Variants in TMC4 observed in about 807,000 individuals in gnomAD.
TMC4 encodes transmembrane channel like 4, also known as voltage-gated chloride channel TMC4.
Under a neutral mutation model 82.0 loss-of-function variants are expected in TMC4, and 70 were observed. That is an observed-to-expected ratio of 0.85 (90% CI 0.70 to 1.04). The LOEUF (loss-of-function observed/expected upper bound fraction) is 1.04, where lower values mean the gene tolerates loss of function less well. TMC4 is among the 50% of genes least tolerant of loss of function. The probability of loss-of-function intolerance (pLI) is 0.00; values close to 1 mark genes in which losing one functional copy is unlikely to be tolerated. For missense variants in TMC4, 879 were observed against 899.0 expected (o/e 0.98, Z 0.28); for synonymous variants, 446 against 406.0 (o/e 1.10, Z -1.18).
At chr19:54,160,417 A>G (rs759999902) in intron 14 of TMC4, 43 bp from the exon 15 acceptor site, 37 of 1,599,426 alleles carry the variant, frequency 2.3e-5, no homozygotes, top group Non-Finnish European at 3.1e-5. Flanking sequence ...CTCTTCCCCA[A>G]CCCCTTTCCA....
chr19:54,160,227 A>C lies in TMC4; in HGVS notation c.*79T>G. On this transcript the variant is annotated 3_prime_UTR_variant, in exon 15 of 15. Transcript: ENST00000619895. ...GCTGGAAGGGCGTGGAGTCTTCTCC[A>C]GTTCTCCTAGTTTACAGATGTTGTG... 1 of 1,425,142 alleles carries C rather than the reference A, an allele frequency of 7.0e-7. No individual in the cohort carries two copies. The highest frequency in any genetic ancestry group is 1.6e-5 in the South Asian group (1 of 63,078). The allele number at this position is 1,425,142 out of a possible 1,614,324, so 88.3% of individuals were successfully genotyped here.
At position 54,160,981 on chromosome 19, in the gene TMC4, C is replaced by T. The variant is rs1467471560; in HGVS notation, c.1870G>A (p.Ala624Thr). 3.1e-6 allele frequency: 5 copies of T among 1,614,154 alleles called. No homozygotes were observed. The Admixed American group carries it at 6.7e-5, about 22-fold the overall frequency. ...GPFRGQSSIWAQIPESISSLP... is the reference protein window; with the variant it reads ...GPFRGQSSIWTQIPESISSLP... Reference sequence around the variant, plus strand: ...CTGGAAATAGACTCAGGGATCTGGGCCCAGATGGACGACTGCCCCCGGAAT... The same window carrying T: ...CTGGAAATAGACTCAGGGATCTGGGTCCAGATGGACGACTGCCCCCGGAAT... Residue 624 changes from alanine to threonine, a missense_variant, in exon 13 of 15, where the codon GCC becomes ACC. Transcript: ENST00000619895.
In TMC4 at chr19:54,172,217, A is replaced by G. The variant is rs939675031; in HGVS notation, c.80-134T>C. ...CCAGGCCCCCGGCTCCTCCTCCCTC[A>G]GACCCAGGAGTCCAGGCCCCCGGCT... is the stretch of plus-strand genomic sequence containing the variant. On this transcript the variant is annotated intron_variant, in intron 1 of 14. Coordinates refer to ENST00000619895, the MANE Select transcript of TMC4 (RefSeq NM_144686.4). The G allele has an allele frequency of 1.6e-5, 7 of 444,916 alleles. No individual in the cohort carries two copies. In the African/African-American group the frequency reaches 1.7e-4, roughly 11 times the overall value. The allele number at this position is 444,916 out of a possible 1,614,324, so 27.6% of individuals were successfully genotyped here. A position where few individuals can be genotyped will look rare whatever the true frequency, so the allele number is the denominator to read the frequency against.
chr19:54,165,473 G>C lies in TMC4; in HGVS notation c.891C>G (p.Leu297=). 2 of 1,613,128 alleles carry C rather than the reference G, an allele frequency of 1.2e-6. No individual in the cohort carries two copies. The highest frequency in any genetic ancestry group is 1.7e-6 in the Non-Finnish European group (2 of 1,179,578). The change falls in exon 6 of 15, where the codon CTC becomes CTG. Residue 297 remains leucine (L), a synonymous_variant. Coordinates refer to ENST00000619895, the MANE Select transcript of TMC4 (RefSeq NM_144686.4). ...HRVFSAWDFG[L]CGDVHVRLRQ... ...GCAGCCGCACGTGGACGTCCCCGCA[G>C]AGACCGAAGTCCCAGGCCGAGAACA...
Position 54,168,954 on chromosome 19 carries a change from TCCTTCCTTC to T in TMC4, c.443-283_443-275del, listed in dbSNP as rs2075805588. Among the ~76,000 whole-genome samples the T allele has an allele frequency of 8.0e-4, 41 of 51,052 alleles. 13 individuals are homozygous for T. The highest frequency in any genetic ancestry group is 3.1e-3 in the African/African-American group (36 of 11,528). 33.5% of individuals were successfully genotyped at this position (51,052 alleles called of 152,430 possible). On this transcript the variant is annotated intron_variant, in intron 3 of 14. Coordinates refer to ENST00000619895, the MANE Select transcript of TMC4 (RefSeq NM_144686.4). ...TTCCTTCCTTCCTTCCTTCCTTCCT[TCCTTCCTTC>T]CTTCTTCTTTCTCTCTCTCTCTCTC...
Position 54,163,072 on chromosome 19 carries a change from C to T in TMC4, c.1365G>A (p.Glu455=), listed in dbSNP as rs905334818. The T allele has an allele frequency of 6.2e-7, 1 of 1,614,104 alleles. No individual in the cohort carries two copies. Among genetic ancestry groups the T allele is most frequent in the Non-Finnish European group, 8.5e-7 (1 of 1,180,040 alleles). The change falls in exon 9 of 15, where the codon GAG becomes GAA. Residue 455 remains glutamate, a synonymous_variant. Coordinates refer to ENST00000619895, the MANE Select transcript of TMC4 (RefSeq NM_144686.4). ...QITCGGDSEA[E]DCKTCGYNYK... ...AATTGTAGCCACAGGTTTTGCAGTC[C>T]TCAGCCTCGGAGTCGCCCCCACAAG...
chr19:54,164,746 T>G, intron 6 of TMC4, 145 bp from the exon 7 acceptor site: 2 of 1,083,000 alleles, frequency 1.8e-6, no homozygotes, highest in Non-Finnish European at 2.6e-6. Flanking sequence ...GCAGTCCTGG[T>G]TCCACCTGCT....
Position 54,162,121 on chromosome 19 carries a change from A to G in TMC4, c.1667T>C (p.Leu556Pro). ...LPLLNTVKFL[L>P]LFYLKKLTLF... Reference sequence around the variant, plus strand: ...CCTTACCTTCTTCAGGTAGAAAAGCAGCAGGAACTTGACCGTGTTAAGCAG... The same window carrying G: ...CCTTACCTTCTTCAGGTAGAAAAGCGGCAGGAACTTGACCGTGTTAAGCAG... Residue 556 changes from leucine (L) to proline (P), a missense_variant, in exon 11 of 15, where the codon CTG (leucine) becomes CCG (proline). By Grantham distance (98) the Leu-to-Pro change is moderately conservative. Transcript: ENST00000619895. 1 of 1,613,228 alleles carries G rather than the reference A, an allele frequency of 6.2e-7. No individual in the cohort carries two copies. Among genetic ancestry groups the G allele is most frequent in the Non-Finnish European group, 8.5e-7 (1 of 1,179,624 alleles).
chr19:54,165,941 AAG>A (rs2075692138), intron 5 of TMC4, among the ~76,000 whole-genome samples: 1 of 152,138 alleles, frequency 6.6e-6, no homozygotes, highest in African/African-American at 2.4e-5. Context: ...AAGGGAGAAA[AAG>A]ACAGTGAGAA....
chr19:54,163,847 C>G lies in TMC4; in HGVS notation c.1154G>C (p.Gly385Ala), dbSNP rs2075631368. 11 of 1,614,078 alleles carry G rather than the reference C, an allele frequency of 6.8e-6. No homozygotes were observed. Among genetic ancestry groups the G allele is most frequent in the South Asian group, 5.5e-5 (5 of 91,072 alleles). Residue 385 changes from glycine (G) to alanine (A), a missense_variant, in exon 8 of 15, where the codon GGG becomes GCG. By Grantham distance (60) the Gly-to-Ala change is moderately conservative. Coordinates refer to ENST00000619895, the MANE Select transcript of TMC4 (RefSeq NM_144686.4). ...LVQELPLLKL[G>A]VNYLPSIFIA... Reference sequence around the variant, plus strand: ...GAAGATGGACGGAAGGTAATTCACCCCAAGCTTCAGCAGTGGCAACTCCTG... The same window carrying G: ...GAAGATGGACGGAAGGTAATTCACCGCAAGCTTCAGCAGTGGCAACTCCTG...
chr19:54,172,609 GC>G, intron 1 of TMC4: 1 of 289,256 alleles, frequency 3.5e-6, no homozygotes, highest in Non-Finnish European at 6.3e-6. Context: ...CAGGTTCCCA[GC>G]CCCTCCTCCC....
chr19:54,165,230 G>C (rs1382016317), intron 6 of TMC4, among the ~76,000 whole-genome samples, 189 bp downstream of exon 6: 1 of 151,898 alleles, frequency 6.6e-6, no homozygotes, highest in Non-Finnish European at 1.5e-5. Context: ...TTTCCTACAC[G>C]CTTGGAGCTC....
At chr19:54,161,316 A>ATTTTTTT in intron 11 of TMC4, 56 bp from the exon 12 acceptor site, 3 of 1,093,966 alleles carry the variant, frequency 2.7e-6, no homozygotes, top group South Asian at 3.1e-5. Context: ...CTGTGCCTCC[A>ATTTTTTT]TTTTTTTTTT....
Position 54,166,752 on chromosome 19 carries a change from G to A in TMC4, c.798-1186C>T, listed in dbSNP as rs551025513. ...GTGCATCACCTGAGGTCAGGAGTTC[G>A]AGACCAGCCTGACAAACATGGTGAA... On this transcript the variant is annotated intron_variant, in intron 5 of 14. Coordinates refer to ENST00000619895, the MANE Select transcript of TMC4 (RefSeq NM_144686.4). Among the ~76,000 whole-genome samples the A allele has an allele frequency of 4.6e-5, 7 of 152,234 alleles. No individual in the cohort carries two copies. The South Asian group carries it at 1.2e-3, about 27-fold the overall frequency.
At chr19:54,169,023 T>TTTC (rs2075818438) in intron 3 of TMC4, among the ~76,000 whole-genome samples, 1 of 42,010 alleles carries the variant, frequency 2.4e-5, no homozygotes, top group African/African-American at 1.2e-4. Flanking sequence ...TTTTTTTTTT[T>TTTC]CTTTTCTTTT....
At chr19:54,162,973 C>A (rs2075603922) in intron 9 of TMC4, 60 bp downstream of exon 9, 22 of 1,612,996 alleles carry the variant, frequency 1.4e-5, no homozygotes, top group Non-Finnish European at 1.8e-5. Context: ...TCTGGACCCA[C>A]CCAGCTCCAT....
chr19:54,168,779 C>T (rs2075772613), intron 3 of TMC4, 99 bp from the exon 4 acceptor site: 1 of 343,548 alleles, frequency 2.9e-6, no homozygotes, highest in East Asian at 5.2e-5. Context: ...TCCTTTCTTT[C>T]TTTCTTTTCT....
At chr19:54,171,104 C>CGT (rs1555826928) in intron 2 of TMC4, among the ~76,000 whole-genome samples, 8 of 35,812 alleles carry the variant, frequency 2.2e-4, no homozygotes, top group South Asian at 2.1e-3. Context: ...CACACATATG[C>CGT]ATATATATAC....
chr19:54,162,201 G>A lies in TMC4; in HGVS notation c.1587C>T (p.Leu529=), dbSNP rs1374976320. Reference sequence around the variant, plus strand: ...CCCAGACCACCGTCTGCGCGTAGATGAGCCCCAGCACCTCGTCGGGCACCT... The same window carrying A: ...CCCAGACCACCGTCTGCGCGTAGATAAGCCCCAGCACCTCGTCGGGCACCT... ...EFQVPDEVLG[L]IYAQTVVWVG... is the part of the protein sequence containing the mutation. Residue 529 remains leucine (L), a synonymous_variant, in exon 11 of 15, where the codon CTC becomes CTT. Coordinates refer to ENST00000619895, the MANE Select transcript of TMC4 (RefSeq NM_144686.4). 6.2e-7 allele frequency: 1 copy of A among 1,613,506 alleles called. No individual in the cohort carries two copies. Among genetic ancestry groups the A allele is most frequent in the Non-Finnish European group, 8.5e-7 (1 of 1,179,800 alleles).
Sources: allele counts gnomAD v4.1 joint callset (sites outside exome capture counted in the v4.1 genomes callset), GRCh38; gene constraint gnomAD v4.1.1; transcripts MANE v1.5; gene names NCBI Gene and HGNC (gene_info 2026-07-23, HGNC 2026-07-21).